Variants in DOCK3 observed in about 807,000 individuals in gnomAD.
DOCK3 encodes the protein dedicator of cytokinesis protein 3.
In DOCK3, 60 loss-of-function variants were observed where a neutral mutation model predicts 265.6. The ratio of observed to expected loss-of-function variants is 0.23; its 90% CI spans 0.18 to 0.28. The LOEUF (loss-of-function observed/expected upper bound fraction) is 0.28. Ranked by LOEUF, DOCK3 falls within the 10% of genes least tolerant of loss-of-function variation. The probability of loss-of-function intolerance (pLI) is 1.00; values close to 1 mark genes in which losing one functional copy is unlikely to be tolerated. For missense variants in DOCK3, 1,981 were observed against 2,594.3 expected (o/e 0.76, Z 5.14); for synonymous variants, 881 against 938.0 (o/e 0.94, Z 1.11).
intron 2 of DOCK3, among the ~76,000 whole-genome samples, chr3:50,810,870 A>C (rs927195082): frequency 6.6e-6 from 1 of 152,198 alleles, no homozygotes; most frequent in Non-Finnish European, 1.5e-5. Context: ...GTGATTAAAA[A>C]GTTCTATATC....
intron 4 of DOCK3, 86 bp from the exon 5 acceptor site, chr3:50,933,895 G>A (rs966557031): frequency 1.2e-6 from 1 of 833,168 alleles, no homozygotes. Flanking sequence ...TAAAATTTGA[G>A]TTAAACAAGT....
chr3:51,271,919 A>G (rs1359113426), intron 24 of DOCK3, among the ~76,000 whole-genome samples: 2 of 151,044 alleles, frequency 1.3e-5, no homozygotes, highest in Non-Finnish European at 2.9e-5. Flanking sequence ...TTTCCTTGCC[A>G]TACCATTCGA....
At chr3:50,825,804 G>A (rs1232772022) in intron 2 of DOCK3, among the ~76,000 whole-genome samples, 1 of 152,176 alleles carries the variant, frequency 6.6e-6, no homozygotes, top group Non-Finnish European at 1.5e-5. Context: ...TTGCCTCTGA[G>A]TTCCAGACCC....
At chr3:50,722,159 A>G (rs912836569) in intron 1 of DOCK3, among the ~76,000 whole-genome samples, 6 of 152,200 alleles carry the variant, frequency 3.9e-5, no homozygotes, top group African/African-American at 1.4e-4. Flanking sequence ...ATGTGAGGAC[A>G]TTATCAAGTG....
chr3:51,077,248 C>G (rs533427695), intron 7 of DOCK3, among the ~76,000 whole-genome samples: 1 of 152,038 alleles, frequency 6.6e-6, no homozygotes, highest in Non-Finnish European at 1.5e-5. Flanking sequence ...TAAGAATTCC[C>G]CTTGGAATAC....
At chr3:51,261,284 G>A (rs1006250524) in intron 23 of DOCK3, among the ~76,000 whole-genome samples, 1 of 152,004 alleles carries the variant, frequency 6.6e-6, no homozygotes, top group Admixed American at 6.6e-5. Context: ...GGAGGGTGGG[G>A]CGTCGCCTCA....
chr3:50,788,533 C>T (rs2042299194), intron 2 of DOCK3, among the ~76,000 whole-genome samples: 1 of 152,198 alleles, frequency 6.6e-6, no homozygotes, highest in African/African-American at 2.4e-5. Context: ...CTTGGTGCAT[C>T]TTATCTGGGC....
intron 5 of DOCK3, among the ~76,000 whole-genome samples, chr3:51,011,537 C>G (rs1559933521): frequency 6.6e-6 from 1 of 152,012 alleles, no homozygotes. Context: ...AATCTTTTTT[C>G]AAGGTTTTTA....
intron 5 of DOCK3, among the ~76,000 whole-genome samples, chr3:51,009,711 G>A (rs528361108): frequency 1.3e-5 from 2 of 152,234 alleles, no homozygotes; most frequent in East Asian, 3.9e-4. Flanking sequence ...TGTGGGGTTA[G>A]GGTGTCAATT....
At chr3:51,126,355 T>A (rs1473751868) in intron 9 of DOCK3, among the ~76,000 whole-genome samples, 1 of 152,190 alleles carries the variant, frequency 6.6e-6, no homozygotes, top group Non-Finnish European at 1.5e-5. Context: ...TAACATTGCT[T>A]TTTTGGCATC....
chr3:51,249,925 T>A (rs2079106480), intron 22 of DOCK3, among the ~76,000 whole-genome samples: 2 of 150,828 alleles, frequency 1.3e-5, no homozygotes, highest in South Asian at 2.1e-4. Flanking sequence ...TTTTGTTCTG[T>A]ACTAAGAAAA....
At chr3:51,352,339 GTTTCTGT>G (rs1327989842) in intron 40 of DOCK3, among the ~76,000 whole-genome samples, 1 of 152,090 alleles carries the variant, frequency 6.6e-6, no homozygotes, top group Non-Finnish European at 1.5e-5. Flanking sequence ...GGTATCCCCT[GTTTCTGT>G]TCTGCCAAGC....
intron 5 of DOCK3, among the ~76,000 whole-genome samples, chr3:50,998,270 T>C (rs543367746): frequency 3.3e-5 from 5 of 152,332 alleles, no homozygotes; most frequent in Non-Finnish European, 5.9e-5. Flanking sequence ...CCTGGGACTT[T>C]GAATGCTAGC....
chr3:51,075,807 T>C (rs2082037379), intron 7 of DOCK3, among the ~76,000 whole-genome samples: 1 of 152,214 alleles, frequency 6.6e-6, no homozygotes, highest in African/African-American at 2.4e-5. Flanking sequence ...AAATTGAGCC[T>C]GGAAATAATG....
Position 51,246,737 on chromosome 3 carries a change from G to A in DOCK3, c.2114G>A (p.Arg705His), listed in dbSNP as rs200055252. 21 of 1,612,926 alleles carry A rather than the reference G, an allele frequency of 1.3e-5. No homozygotes were observed. Among genetic ancestry groups the A allele is most frequent in the East Asian group, 4.5e-5 (2 of 44,882 alleles). Residue 705 changes from arginine (R) to histidine (H), a missense_variant, in exon 22 of 53, where the codon CGC becomes CAC. This residue lies in a region of DOCK3 where 1,357 missense variants were observed against 1,866.8 expected (regional missense o/e 0.73). Transcript: ENST00000266037. ...AGALAYKELI[R>H]CLKWYMDCSA... ...GTTCTCTTTCCCAGGGAGCTCATCCGCTGTTTGAAGTGGTATATGGACTGC... is the reference window on the plus strand; with the variant it reads ...GTTCTCTTTCCCAGGGAGCTCATCCACTGTTTGAAGTGGTATATGGACTGC...
chr3:51,373,352 G>A (rs2087834329), intron 49 of DOCK3, among the ~76,000 whole-genome samples: 1 of 152,168 alleles, frequency 6.6e-6, no homozygotes, highest in Admixed American at 6.5e-5. Flanking sequence ...TCACTCAGAG[G>A]ACACCCCAGA....
chr3:50,888,784 G>A (rs1352367096), intron 3 of DOCK3, among the ~76,000 whole-genome samples: 1 of 152,140 alleles, frequency 6.6e-6, no homozygotes, highest in Non-Finnish European at 1.5e-5. Context: ...TTAATAAATG[G>A]TGCTGGGAAA....
intron 9 of DOCK3, among the ~76,000 whole-genome samples, chr3:51,122,945 A>G (rs1014758387): frequency 2.0e-5 from 3 of 152,230 alleles, no homozygotes; most frequent in Non-Finnish European, 2.9e-5. Context: ...CAGAGGATAC[A>G]TAGATCTTCT....
intron 12 of DOCK3, 52 bp from the exon 13 acceptor site, chr3:51,208,722 G>A: frequency 6.8e-7 from 1 of 1,460,226 alleles, no homozygotes. Flanking sequence ...TGGAACATCA[G>A]ACCAGTTGTT....
Sources: allele counts gnomAD v4.1 joint callset (sites outside exome capture counted in the v4.1 genomes callset), GRCh38; gene constraint gnomAD v4.1.1; regional missense constraint gnomAD v4.1.1; transcripts MANE v1.5; gene names NCBI Gene and HGNC (gene_info 2026-07-23, HGNC 2026-07-21).